Variants in ADGRL2 observed in about 807,000 individuals in gnomAD.
The protein encoded by ADGRL2 is calcium-independent alpha-latrotoxin receptor 2.
A neutral mutation model predicts 157.4 loss-of-function variants in ADGRL2; 44 were observed. That is an observed-to-expected ratio of 0.28 (90% confidence interval 0.22 to 0.36). The LOEUF (loss-of-function observed/expected upper bound fraction) is 0.36, where lower values mean the gene tolerates loss of function less well. Ranked by LOEUF, ADGRL2 falls within the 10% of genes least tolerant of loss-of-function variation. The pLI, the probability that ADGRL2 is intolerant of heterozygous loss-of-function variation, is 1.00. For missense variants in ADGRL2, 1,510 were observed against 1,768.9 expected, an observed-to-expected ratio of 0.85 and a Z score of 2.63; for synonymous variants, 585 against 624.7, an observed-to-expected ratio of 0.94 and a Z score of 0.95.
chr1:81,917,459 ATTAG>A (rs146969405), intron 3 of ADGRL2, among the ~76,000 whole-genome samples: 11,140 of 152,106 alleles, frequency 0.073, 423 homozygotes, highest in African/African-American at 0.11. Flanking sequence ...TTACTCCACT[ATTAG>A]TTTTAGAGGT....
At chr1:81,385,086 G>A (rs1016310606) in intron 1 of ADGRL2, among the ~76,000 whole-genome samples, 7 of 152,020 alleles carry the variant, frequency 4.6e-5, no homozygotes, top group African/African-American at 1.2e-4. Flanking sequence ...TATAAAAAGG[G>A]GACATAGTAT....
At chr1:81,336,184 A>T (rs1265633854) in intron 1 of ADGRL2, among the ~76,000 whole-genome samples, 1 of 151,862 alleles carries the variant, frequency 6.6e-6, no homozygotes. Flanking sequence ...GATATGTTTC[A>T]CCTCCCTTCT....
intron 3 of ADGRL2, among the ~76,000 whole-genome samples, chr1:81,631,068 TG>T (rs1339032779): frequency 6.6e-6 from 1 of 152,198 alleles, no homozygotes; most frequent in Non-Finnish European, 1.5e-5. Flanking sequence ...ATCCTCATAT[TG>T]TTTTTTTCAA....
chr1:81,565,049 TA>T (rs2080527839), intron 2 of ADGRL2, among the ~76,000 whole-genome samples: 2 of 152,192 alleles, frequency 1.3e-5, no homozygotes, highest in Admixed American at 1.3e-4. Context: ...TCAGTGGATA[TA>T]AATAACTATT....
intron 3 of ADGRL2, among the ~76,000 whole-genome samples, chr1:81,618,106 T>C (rs753346553): frequency 6.6e-6 from 1 of 152,188 alleles, no homozygotes; most frequent in Non-Finnish European, 1.5e-5. Flanking sequence ...TCTTTGTCTT[T>C]GCAGCCTCGG....
intron 2 of ADGRL2, among the ~76,000 whole-genome samples, chr1:81,496,691 A>C (rs1202602799): frequency 1.3e-5 from 2 of 152,106 alleles, no homozygotes; most frequent in Non-Finnish European, 2.9e-5. Context: ...AAGACCTTAG[A>C]ATTCCCATAC....
intron 2 of ADGRL2, among the ~76,000 whole-genome samples, chr1:81,539,243 T>C (rs2148311583): frequency 6.6e-6 from 1 of 152,182 alleles, no homozygotes; most frequent in Middle Eastern, 3.4e-3. Context: ...AATTACCACC[T>C]CTAGTCCTGT....
chr1:81,612,325 C>A (rs572147210), intron 3 of ADGRL2, among the ~76,000 whole-genome samples: 30 of 152,132 alleles, frequency 2.0e-4, no homozygotes, highest in Admixed American at 9.8e-4. Flanking sequence ...GATCAACATG[C>A]CTTCCATTGA....
At chr1:81,582,210 A>C (rs1052929561) in intron 3 of ADGRL2, among the ~76,000 whole-genome samples, 2 of 151,876 alleles carry the variant, frequency 1.3e-5, no homozygotes, top group Non-Finnish European at 2.9e-5. Flanking sequence ...ACAGAGTGAG[A>C]CTCTGTCTCA....
chr1:81,800,582 G>C (rs1011073325), upstream of ADGRL2: 10 of 152,174 alleles, frequency 6.6e-5, no homozygotes, highest in African/African-American at 1.9e-4. Context: ...GGCCTAGAGG[G>C]GAGGGGGCCC....
intron 2 of ADGRL2, among the ~76,000 whole-genome samples, chr1:81,792,364 G>A (rs1031341825): frequency 6.6e-6 from 1 of 152,096 alleles, no homozygotes; most frequent in African/African-American, 2.4e-5. Context: ...AAGTCACACT[G>A]GTGATGTCAA....
chr1:81,467,917 A>C (rs1346924174), intron 2 of ADGRL2, among the ~76,000 whole-genome samples: 1 of 152,206 alleles, frequency 6.6e-6, no homozygotes, highest in Non-Finnish European at 1.5e-5. Context: ...ATCAGAATTG[A>C]AATTAGTCAA....
intron 2 of ADGRL2, among the ~76,000 whole-genome samples, chr1:81,895,695 T>C (rs1436598684): frequency 6.6e-6 from 1 of 152,136 alleles, no homozygotes; most frequent in Non-Finnish European, 1.5e-5. Flanking sequence ...GCCCCAGACC[T>C]GAAAGTACCT....
intron 1 of ADGRL2, among the ~76,000 whole-genome samples, chr1:81,712,867 ATTCTCCT>A (rs1377081569): frequency 6.2e-4 from 89 of 144,610 alleles, no homozygotes; most frequent in African/African-American, 2.2e-3. Flanking sequence ...GGTTCAAGTG[ATTCTCCT>A]GCCTCAGCCT....
At chr1:81,909,987 C>T (rs1343957900) in intron 3 of ADGRL2, among the ~76,000 whole-genome samples, 1 of 152,044 alleles carries the variant, frequency 6.6e-6, no homozygotes, top group Non-Finnish European at 1.5e-5. Context: ...CGTCTGTAAT[C>T]CCAGCACTTT....
At chr1:81,349,191 T>A (rs957688681) in intron 1 of ADGRL2, among the ~76,000 whole-genome samples, 2 of 152,072 alleles carry the variant, frequency 1.3e-5, no homozygotes, top group African/African-American at 4.8e-5. Context: ...CATTAAACCG[T>A]GTTGGGGATA....
chr1:81,721,142 G>C lies in ADGRL2; in HGVS notation c.-143+21334G>C, dbSNP rs1363869650. 2.0e-5 allele frequency among the ~76,000 whole-genome samples: 3 copies of C among 151,276 alleles called. No individual in the cohort carries two copies. The East Asian group carries it at 5.9e-4, about 30-fold the overall frequency. ...CTGCGTCAGCCTCCCAAAGTGCTGGGATTACGGGTGTGAGCCACCGCACCC... is the reference window on the plus strand; with the variant it reads ...CTGCGTCAGCCTCCCAAAGTGCTGGCATTACGGGTGTGAGCCACCGCACCC... On this transcript the variant is annotated intron_variant, in intron 1 of 20. Transcript: ENST00000359929.
At chr1:81,313,059 A>G (rs530049877) in intron 1 of ADGRL2, among the ~76,000 whole-genome samples, 1 of 152,324 alleles carries the variant, frequency 6.6e-6, no homozygotes, top group East Asian at 1.9e-4. Flanking sequence ...TGCCCAAAAC[A>G]ATACTAAGTT....
chr1:81,907,341 A>C (rs2094604085), intron 3 of ADGRL2, 111 bp downstream of exon 3: 13 of 869,124 alleles, frequency 1.5e-5, no homozygotes, highest in Non-Finnish European at 1.8e-6. Context: ...CCTATTTATT[A>C]AACTGAGTTG....
Sources: allele counts gnomAD v4.1 joint callset (sites outside exome capture counted in the v4.1 genomes callset), GRCh38; gene constraint gnomAD v4.1.1; transcripts MANE v1.5; gene names NCBI Gene and HGNC (gene_info 2026-07-23, HGNC 2026-07-21).